CPM: variants seen among roughly 807,000 people sequenced by gnomAD.
The protein encoded by CPM is renal carboxypeptidase.
Under a neutral mutation model 46.4 loss-of-function variants are expected in CPM, and 35 were observed. The ratio of observed to expected loss-of-function variants is 0.75; its 90% CI spans 0.58 to 1.00. The LOEUF (loss-of-function observed/expected upper bound fraction) is 1.00. Among genes scored for constraint, CPM ranks in the 50% least tolerant of loss-of-function variants. The pLI, the probability that CPM is intolerant of heterozygous loss-of-function variation, is 0.00. For missense variants in CPM, 422 were observed against 530.4 expected, an observed-to-expected ratio of 0.80 and a Z score of 2.01; for synonymous variants, 195 against 195.3, an observed-to-expected ratio of 1.00 and a Z score of 0.01.
chr12:68,844,649 G>GA (rs1359808074), intron 5 of CPM: 4 of 225,166 alleles, frequency 1.8e-5, no homozygotes, highest in Non-Finnish European at 3.5e-5. Flanking sequence ...AAGTACATCA[G>GA]AAAAAAACAA....
At position 68,852,457 on chromosome 12, in the gene CPM, C is replaced by T. The variant is rs773595366; in HGVS notation, c.*3980G>A. The T allele has an allele frequency of 6.6e-6, 1 of 152,170 alleles. No homozygotes were observed. Among genetic ancestry groups the T allele is most frequent in the Non-Finnish European group, 1.5e-5 (1 of 68,042 alleles). 9.4% of individuals were successfully genotyped at this position (152,170 alleles called of 1,614,324 possible). A position where few individuals can be genotyped will look rare whatever the true frequency, so the allele number is the denominator to read the frequency against. On this transcript the variant is annotated 3_prime_UTR_variant, in exon 9 of 9. Coordinates refer to ENST00000551568, the MANE Select transcript of CPM (RefSeq NM_198320.5). ...TCTTACCAGTCACAGAATCACCGTT[C>T]AGCGTGGCGGGGGGTGGTCTCCATT... is the stretch of plus-strand genomic sequence containing the variant.
At chr12:68,894,275 G>C (rs1886776806) in intron 2 of CPM, among the ~76,000 whole-genome samples, 1 of 152,220 alleles carries the variant, frequency 6.6e-6, no homozygotes, top group Non-Finnish European at 1.5e-5. Flanking sequence ...TAGGTTGCTG[G>C]TTTTGTTCAC....
At chr12:68,913,157 G>C (rs753586369) in intron 2 of CPM, among the ~76,000 whole-genome samples, 1 of 152,156 alleles carries the variant, frequency 6.6e-6, no homozygotes, top group East Asian at 1.9e-4. Context: ...GGGTGCTGCA[G>C]TCTTAGCACC....
chr12:68,943,255 C>G (rs1888792723), intron 1 of CPM, among the ~76,000 whole-genome samples: 1 of 152,158 alleles, frequency 6.6e-6, no homozygotes, highest in African/African-American at 2.4e-5. Flanking sequence ...TGGGCTAACT[C>G]ATGGTATTGA....
downstream of CPM, chr12:68,847,167 AT>A (rs1884357357): frequency 1.0e-5 from 1 of 96,768 alleles, no homozygotes; most frequent in African/African-American, 5.2e-5. Flanking sequence ...TATAATACAT[AT>A]GTGTTTATGT....
At chr12:68,906,166 T>C (rs940804575) in intron 2 of CPM, among the ~76,000 whole-genome samples, 3 of 152,206 alleles carry the variant, frequency 2.0e-5, no homozygotes, top group Admixed American at 2.0e-4. Context: ...TGATGCCCAG[T>C]ATTAAGCACA....
At chr12:68,885,536 C>T (rs1408674913) in intron 3 of CPM, among the ~76,000 whole-genome samples, 1 of 152,072 alleles carries the variant, frequency 6.6e-6, no homozygotes, top group African/African-American at 2.4e-5. Context: ...GTTGTTCTTC[C>T]GGCCCCAAAC....
intron 2 of CPM, among the ~76,000 whole-genome samples, chr12:68,897,466 T>C (rs1297025384): frequency 1.3e-5 from 2 of 152,086 alleles, no homozygotes; most frequent in African/African-American, 4.8e-5. Context: ...GAGCATTACC[T>C]TAAAGTACAA....
At chr12:68,902,425 T>A (rs1204731057) in intron 2 of CPM, among the ~76,000 whole-genome samples, 1 of 152,246 alleles carries the variant, frequency 6.6e-6, no homozygotes, top group African/African-American at 2.4e-5. Flanking sequence ...AATGATGCTC[T>A]GAGCAGACCC....
chr12:68,847,323 T>A (rs1363152375), downstream of CPM: 1 of 148,440 alleles, frequency 6.7e-6, no homozygotes, highest in Non-Finnish European at 1.5e-5. Context: ...GGATTACAGG[T>A]GCGAGCCACT....
downstream of CPM, chr12:68,848,178 T>G (rs1454669089): frequency 6.6e-6 from 1 of 152,032 alleles, no homozygotes; most frequent in African/African-American, 2.4e-5. Flanking sequence ...TCTCACTGAT[T>G]GTGATTTTTT....
intron 1 of CPM, among the ~76,000 whole-genome samples, chr12:68,952,761 G>A (rs1298024913): frequency 2.0e-5 from 3 of 152,326 alleles, no homozygotes; most frequent in Middle Eastern, 3.4e-3. Context: ...GAAGATGGAG[G>A]ACAGGGCATG....
intron 2 of CPM, among the ~76,000 whole-genome samples, chr12:68,931,685 G>T (rs1473053518): frequency 7.1e-6 from 1 of 141,350 alleles, no homozygotes; most frequent in Non-Finnish European, 1.5e-5. Context: ...GCCGGAGGTT[G>T]CAGTGAGCCG....
intron 3 of CPM, among the ~76,000 whole-genome samples, chr12:68,880,066 G>A (rs767107925): frequency 2.5e-4 from 38 of 150,916 alleles, no homozygotes; most frequent in Non-Finnish European, 5.4e-4. Flanking sequence ...GAATGGCAGA[G>A]AACCCCATTC....
At chr12:68,865,762 C>T (rs1254592054) in intron 7 of CPM, among the ~76,000 whole-genome samples, 1 of 152,180 alleles carries the variant, frequency 6.6e-6, no homozygotes, top group African/African-American at 2.4e-5. Flanking sequence ...GAAGAGCCTT[C>T]CACACCTTGC....
In CPM at chr12:68,885,994, G is replaced by A. The variant is rs1270471283; in HGVS notation, c.161-105C>T. 2.7e-5 allele frequency: 24 copies of A among 885,950 alleles called. No individual in the cohort carries two copies. The East Asian group carries it at 3.3e-4, about 12-fold the overall frequency. The allele number at this position is 885,950 out of a possible 1,614,324, so 54.9% of individuals were successfully genotyped here. ...AGGATGCTGCTTCCCCCACTTGATC[G>A]CCTGTTTCATGGTGACTTAAGTTTG... On this transcript the variant is annotated intron_variant, in intron 2 of 8. Transcript: ENST00000551568.
intron 6 of CPM, among the ~76,000 whole-genome samples, chr12:68,868,120 A>G (rs1885535304): frequency 6.6e-6 from 1 of 152,172 alleles, no homozygotes; most frequent in Non-Finnish European, 1.5e-5. Flanking sequence ...TTTGCCTTCG[A>G]AAGTTAGACA....
At chr12:68,860,144 C>G (rs1885145379) in intron 7 of CPM, among the ~76,000 whole-genome samples, 1 of 152,224 alleles carries the variant, frequency 6.6e-6, no homozygotes, top group Non-Finnish European at 1.5e-5. Flanking sequence ...AAACTTCTAT[C>G]TGACCTAGGT....
At chr12:68,870,437 G>A in intron 4 of CPM, 38 bp from the exon 5 acceptor site, 1 of 1,561,304 alleles carries the variant, frequency 6.4e-7, no homozygotes, top group Non-Finnish European at 8.8e-7. Flanking sequence ...TATTGATAGG[G>A]CATGAGGGAG....
Sources: allele counts gnomAD v4.1 joint callset (sites outside exome capture counted in the v4.1 genomes callset), GRCh38; gene constraint gnomAD v4.1.1; transcripts MANE v1.5; gene names NCBI Gene and HGNC (gene_info 2026-07-23, HGNC 2026-07-21).